NHS: variants seen among roughly 807,000 people sequenced by gnomAD.
NHS encodes actin remodeling regulator NHS.
NHS carries 5 observed loss-of-function variants against 72.5 expected under a neutral mutation model. The ratio of observed to expected loss-of-function variants is 0.07; its 90% CI spans 0.04 to 0.14. The LOEUF (loss-of-function observed/expected upper bound fraction) is 0.14, where lower values mean the gene tolerates loss of function less well. NHS is among the 10% of genes least tolerant of loss of function. The pLI is 1.00. For missense variants in NHS, 1,072 were observed against 1,355.7 expected, an observed-to-expected ratio of 0.79 and a Z score of 3.29; for synonymous variants, 464 against 547.7, an observed-to-expected ratio of 0.85 and a Z score of 2.13.
chrX:17,382,636 T>C (rs1449200184), intron 1 of NHS, among the ~76,000 whole-genome samples: 1 of 112,641 alleles, frequency 8.9e-6, no homozygotes, highest in African/African-American at 3.2e-5. Flanking sequence ...GGATGCACAA[T>C]TGGCCTACTG....
chrX:17,401,913 T>C (rs111862650), intron 1 of NHS, among the ~76,000 whole-genome samples: 3,139 of 111,976 alleles, frequency 0.028, 112 homozygotes, highest in African/African-American at 0.097. Context: ...GACTTTAACA[T>C]ATCATTTCAA....
At chrX:17,621,111 G>A (rs779079909) in intron 1 of NHS, among the ~76,000 whole-genome samples, 36 of 112,558 alleles carry the variant, frequency 3.2e-4, no homozygotes, top group Non-Finnish European at 6.0e-4. Flanking sequence ...GCCTGACTAC[G>A]GGAAAGGTCA....
chrX:17,720,009 A>G (rs763793767), intron 4 of NHS, among the ~76,000 whole-genome samples: 1 of 110,748 alleles, frequency 9.0e-6, no homozygotes, highest in East Asian at 2.8e-4. Flanking sequence ...TATGCACCAA[A>G]CTTTTTTTCT....
intron 1 of NHS, among the ~76,000 whole-genome samples, chrX:17,500,114 C>T (rs544876983): frequency 8.9e-6 from 1 of 112,271 alleles, no homozygotes; most frequent in Non-Finnish European, 1.9e-5. Context: ...GGACTTCCTC[C>T]GTGCCTGTAA....
At chrX:17,479,264 T>C (rs780057006) in intron 1 of NHS, among the ~76,000 whole-genome samples, 2 of 112,808 alleles carry the variant, frequency 1.8e-5, no homozygotes, top group South Asian at 3.7e-4. Context: ...TAGTATTCCA[T>C]GGTGTATATG....
At chrX:17,475,913 A>G (rs1411062428) in intron 1 of NHS, among the ~76,000 whole-genome samples, 1 of 110,838 alleles carries the variant, frequency 9.0e-6, no homozygotes, top group Non-Finnish European at 1.9e-5. Flanking sequence ...AAATCTCATT[A>G]TTTCTGATTT....
Position 17,718,541 on chromosome X carries a change from AAGG to A in NHS, c.853-799_853-797del, listed in dbSNP as rs752049636. Among the ~76,000 whole-genome samples the A allele has an allele frequency of 3.7e-4, 37 of 100,371 alleles. No individual in the cohort carries two copies. The East Asian group carries it at 0.01, about 28-fold the overall frequency. 87.2% of individuals were successfully genotyped at this position (100,371 alleles called of 115,157 possible). The stretch of plus-strand genomic sequence containing the variant: ...AAGGAAGGGAGGGAAGGAAAAAAGG[AAGG>A]AGGGAAGGAAGAAAGGAAGGAAGGA... On this transcript the variant is annotated intron_variant, in intron 3 of 8. Coordinates refer to ENST00000676302, the MANE Select transcript of NHS (RefSeq NM_001291867.2).
At chrX:17,724,050 CTTTT>C (rs755644713) in intron 5 of NHS, among the ~76,000 whole-genome samples, 2 of 111,659 alleles carry the variant, frequency 1.8e-5, no homozygotes, top group East Asian at 2.8e-4. Flanking sequence ...TCTTCTCTTT[CTTTT>C]GATTTTTCTT....
At chrX:17,573,915 T>G (rs1356100377) in intron 1 of NHS, among the ~76,000 whole-genome samples, 1 of 111,982 alleles carries the variant, frequency 8.9e-6, no homozygotes, top group Admixed American at 9.4e-5. Context: ...GTTTGTTAGT[T>G]TTTCTTCTAA....
chrX:17,447,064 G>C (rs1276036371), intron 1 of NHS, among the ~76,000 whole-genome samples: 1 of 112,040 alleles, frequency 8.9e-6, no homozygotes, highest in Non-Finnish European at 1.9e-5. Flanking sequence ...ACTGCACCTG[G>C]CTTGTGGGTG....
intron 1 of NHS, among the ~76,000 whole-genome samples, chrX:17,504,207 A>G (rs1167174044): frequency 1.8e-5 from 2 of 112,199 alleles, no homozygotes; most frequent in African/African-American, 6.5e-5. Context: ...TGGCTGACAC[A>G]TTTTTATAAG....
intron 1 of NHS, among the ~76,000 whole-genome samples, chrX:17,567,952 T>C (rs2065453897): frequency 9.0e-6 from 1 of 111,639 alleles, no homozygotes; most frequent in Non-Finnish European, 1.9e-5. Context: ...CCCTCCCCAA[T>C]TTCACTTTGT....
rs373932643 is a variant in NHS at position 17,421,067 on chromosome X, C to CT, written c.565+44755dup. 6.4e-3 allele frequency among the ~76,000 whole-genome samples: 677 copies of CT among 106,174 alleles called. 3 individuals carry two copies. Among genetic ancestry groups the CT allele is most frequent in the African/African-American group, 0.021 (620 of 29,359 alleles). The allele number at this position is 106,174 out of a possible 115,157, so 92.2% of individuals were successfully genotyped here. A position where few individuals can be genotyped will look rare whatever the true frequency, so the allele number is the denominator to read the frequency against. ...TACTGGTTTTAAAAGTACTTGCCAT[C>CT]TTTTTTTTTTCAGTAGCAGGAAACT... On this transcript the variant is annotated intron_variant, in intron 1 of 8. Coordinates refer to ENST00000676302, the MANE Select transcript of NHS (RefSeq NM_001291867.2).
chrX:17,519,902 T>A lies in NHS; in HGVS notation c.565+143580T>A, dbSNP rs956954222. 4.5e-5 allele frequency among the ~76,000 whole-genome samples: 5 copies of A among 110,798 alleles called. No homozygotes were observed. The East Asian group carries it at 1.4e-3, about 31-fold the overall frequency. ...GTCTTTTAATTCTGATTTAGCAAGTTCTTTGCCTCTTAATCTCTCAATTCC... is the reference window on the plus strand; with the variant it reads ...GTCTTTTAATTCTGATTTAGCAAGTACTTTGCCTCTTAATCTCTCAATTCC... On this transcript the variant is annotated intron_variant, in intron 1 of 8. Transcript: ENST00000676302.
chrX:17,389,546 A>G, intron 1 of NHS, among the ~76,000 whole-genome samples: 1 of 111,378 alleles, frequency 9.0e-6, no homozygotes, highest in Middle Eastern at 4.6e-3. Flanking sequence ...CTAGCCTCAG[A>G]GGTGCCAGGG....
intron 1 of NHS, among the ~76,000 whole-genome samples, chrX:17,582,358 G>A (rs2065548269): frequency 8.9e-6 from 1 of 111,995 alleles, no homozygotes; most frequent in African/African-American, 3.3e-5. Context: ...ACTGAAGAGG[G>A]ATAACTAAGA....
chrX:17,500,375 A>G (rs1475495175), intron 1 of NHS, among the ~76,000 whole-genome samples: 1 of 112,124 alleles, frequency 8.9e-6, no homozygotes, highest in Non-Finnish European at 1.9e-5. Flanking sequence ...ATTGAAGTGA[A>G]TGTTTGTTAG....
intron 1 of NHS, among the ~76,000 whole-genome samples, chrX:17,394,997 A>G (rs745925596): frequency 8.1e-5 from 9 of 111,068 alleles, no homozygotes; most frequent in African/African-American, 2.9e-4. Flanking sequence ...TTAAGACCAC[A>G]GTGTTAAAAA....
chrX:17,397,266 T>G (rs2064480855), intron 1 of NHS, among the ~76,000 whole-genome samples: 1 of 112,676 alleles, frequency 8.9e-6, no homozygotes, highest in Non-Finnish European at 1.9e-5. Context: ...TCCCTGGGTC[T>G]TCTCTGGGAA....
Sources: gnomAD v4.1 joint callset for allele counts (sites outside exome capture counted in the v4.1 genomes callset) on GRCh38, gnomAD v4.1.1 for gene constraint, MANE v1.5 for transcripts, NCBI Gene and HGNC (gene_info 2026-07-23, HGNC 2026-07-21) for gene names.